Variants in PRDM1 observed in about 807,000 individuals in gnomAD.
PRDM1 encodes the protein PR domain zinc finger protein 1.
A neutral mutation model predicts 62.8 loss-of-function variants in PRDM1; 13 were observed. The observed-to-expected ratio is 0.21, with a 90% CI of 0.13 to 0.33. The LOEUF is 0.33. Ranked by LOEUF, PRDM1 falls within the 10% of genes least tolerant of loss-of-function variation. The pLI is 1.00. For synonymous variants in PRDM1, 396 were observed against 417.6 expected (o/e 0.95, Z 0.63); for missense variants, 895 against 1,058.8 (o/e 0.85, Z 2.15).
chr6:106,026,370 T>C (rs1486246007), intron 1 of PRDM1, among the ~76,000 whole-genome samples: 3 of 152,158 alleles, frequency 2.0e-5, no homozygotes, highest in East Asian at 3.9e-4. Context: ...TCCCAGCTAC[T>C]TGGGAGGCTG....
At chr6:106,028,918 C>CT (rs756143283) in intron 1 of PRDM1, among the ~76,000 whole-genome samples, 5,889 of 124,284 alleles carry the variant, frequency 0.047, 317 homozygotes, top group African/African-American at 0.095. Flanking sequence ...TTCTTTCCTT[C>CT]TTTTTTTTTT....
intron 1 of PRDM1, among the ~76,000 whole-genome samples, chr6:106,002,110 CA>C (rs547827401): frequency 3.1e-4 from 45 of 145,204 alleles, no homozygotes; most frequent in Admixed American, 4.8e-4. Context: ...TGTTGGGTTG[CA>C]AAAAAAAAAT....
chr6:106,061,797 T>A (rs1773349342), intron 1 of PRDM1, among the ~76,000 whole-genome samples: 1 of 152,234 alleles, frequency 6.6e-6, no homozygotes, highest in African/African-American at 2.4e-5. Flanking sequence ...GATATCCAAC[T>A]GGCAAATTCA....
chr6:106,052,532 G>A (rs905634269), intron 1 of PRDM1, among the ~76,000 whole-genome samples: 1 of 152,064 alleles, frequency 6.6e-6, no homozygotes, highest in Non-Finnish European at 1.5e-5. Flanking sequence ...TTGTGGCATA[G>A]GAAAATATCT....
At chr6:106,097,111 A>T (rs1444313468) in intron 3 of PRDM1, among the ~76,000 whole-genome samples, 1 of 152,220 alleles carries the variant, frequency 6.6e-6, no homozygotes, top group Non-Finnish European at 1.5e-5. Flanking sequence ...TGTGCTCACA[A>T]TTTTTATTTA....
chr6:106,023,634 T>A (rs7770156), intron 1 of PRDM1, among the ~76,000 whole-genome samples: 36,384 of 152,020 alleles, frequency 0.24, 5,032 homozygotes, highest in Non-Finnish European at 0.32. Context: ...GACTCTTAGT[T>A]CTTCCTTAGG....
chr6:106,090,872 G>A (rs1356039658), intron 2 of PRDM1, among the ~76,000 whole-genome samples: 2 of 147,582 alleles, frequency 1.4e-5, no homozygotes, highest in African/African-American at 5.0e-5. Context: ...TGTACCATGT[G>A]TCAGCACCTT....
intron 2 of PRDM1, 98 bp downstream of exon 2, chr6:106,088,547 T>G: frequency 7.6e-7 from 1 of 1,314,412 alleles, no homozygotes; most frequent in South Asian, 1.3e-5. Context: ...CCTCTGAGAA[T>G]CTGTAAGTAT....
intron 1 of PRDM1, chr6:106,072,170 A>G (rs926403214): frequency 6.6e-6 from 1 of 152,204 alleles, no homozygotes; most frequent in Admixed American, 6.5e-5. Context: ...TTCTTCGCCT[A>G]TGGTGAGGAA....
intron 1 of PRDM1, among the ~76,000 whole-genome samples, chr6:106,087,295 A>G (rs930786151): frequency 3.9e-5 from 6 of 152,352 alleles, no homozygotes; most frequent in African/African-American, 1.4e-4. Context: ...TTATAACTTT[A>G]GTTACAGTAA....
chr6:106,010,889 T>C (rs1215867716), intron 1 of PRDM1, among the ~76,000 whole-genome samples: 1 of 152,124 alleles, frequency 6.6e-6, no homozygotes, highest in Non-Finnish European at 1.5e-5. Flanking sequence ...TTAGATAGCT[T>C]GAAGTGTGTG....
chr6:106,106,723 A>G lies in PRDM1; in HGVS notation c.1903-188A>G, dbSNP rs1015288651. ...TGGGAAAATGGTAGGGGAAATAAAC[A>G]GCCCCTCGTGTGCTGTGTGCCCACA... is the stretch of plus-strand genomic sequence containing the variant. On this transcript the variant is annotated intron_variant, in intron 6 of 6. Transcript: ENST00000369096. This position sits in a 1 kb window ranked among gnomAD's most constrained non-coding sequence, Gnocchi z 4.4. Among the ~76,000 whole-genome samples, 4 of 152,188 alleles carry G rather than the reference A, an allele frequency of 2.6e-5. No homozygotes were observed. Among genetic ancestry groups the G allele is most frequent in the African/African-American group, 9.7e-5 (4 of 41,428 alleles).
In PRDM1 at chr6:106,105,107, A is replaced by G. The variant is rs753955935; in HGVS notation, c.947A>G (p.Tyr316Cys). 2.5e-6 allele frequency: 4 copies of G among 1,613,862 alleles called. No individual in the cohort carries two copies. Among genetic ancestry groups the G allele is most frequent in the African/African-American group, 2.7e-5 (2 of 74,846 alleles). ...PEDFLKASLA[Y>C]GIERPTYITR... Reference sequence around the variant, plus strand: ...GACTTTTTGAAAGCTTCCCTGGCCTACGGGATCGAGAGACCCACGTACATC... The same window carrying G: ...GACTTTTTGAAAGCTTCCCTGGCCTGCGGGATCGAGAGACCCACGTACATC... Residue 316 changes from tyrosine (Y) to cysteine (C), a missense_variant, in exon 5 of 7, where the codon TAC (tyrosine) becomes TGC (cysteine). Around this residue, in one of 4 missense-constraint regions of PRDM1, gnomAD observed 444 missense variants for 422.7 expected, o/e 1.05. Coordinates refer to ENST00000369096, the MANE Select transcript of PRDM1 (RefSeq NM_001198.4).
intron 1 of PRDM1, among the ~76,000 whole-genome samples, chr6:106,065,124 T>A (rs1161457340): frequency 6.6e-6 from 1 of 152,078 alleles, no homozygotes; most frequent in Non-Finnish European, 1.5e-5. Flanking sequence ...TTTTTGTTGA[T>A]CTTATGTATT....
At position 106,086,540 on chromosome 6, in the gene PRDM1, G is replaced by C. The variant is rs1195294786; in HGVS notation, c.-14G>C. On this transcript the variant is annotated 5_prime_UTR_variant, in exon 1 of 7. Transcript: ENST00000369096. ...GAATGTGGACTGGGTAGAGATGAAC[G>C]AGACTTTTCTCAGATGTTGGATATT... is the stretch of plus-strand genomic sequence containing the variant. The C allele has an allele frequency of 3.9e-6, 6 of 1,551,762 alleles. No homozygotes were observed. The highest frequency in any genetic ancestry group is 5.2e-6 in the Non-Finnish European group (6 of 1,146,532).
chr6:106,099,747 G>A, intron 4 of PRDM1, 195 bp downstream of exon 4: 1 of 651,414 alleles, frequency 1.5e-6, no homozygotes, highest in East Asian at 2.9e-5. Context: ...TCATTTAAAA[G>A]TATATATATA....
chr6:106,062,818 G>C (rs1455256378), intron 1 of PRDM1, among the ~76,000 whole-genome samples: 7 of 152,134 alleles, frequency 4.6e-5, no homozygotes, highest in Admixed American at 2.0e-4. Context: ...GTTGCTGATA[G>C]GAGGGTTTGT....
intron 1 of PRDM1, among the ~76,000 whole-genome samples, chr6:106,019,272 A>G (rs1772663263): frequency 6.6e-6 from 1 of 150,892 alleles, no homozygotes; most frequent in Non-Finnish European, 1.5e-5. Flanking sequence ...AAAAAAAAAA[A>G]AAAAAAAAAA....
At chr6:106,037,385 C>T (rs1281385459) in intron 1 of PRDM1, among the ~76,000 whole-genome samples, 1 of 152,118 alleles carries the variant, frequency 6.6e-6, no homozygotes, top group Non-Finnish European at 1.5e-5. Flanking sequence ...TGTTTATATT[C>T]ATATCTCTCA....
Sources: allele counts gnomAD v4.1 joint callset (sites outside exome capture counted in the v4.1 genomes callset), GRCh38; gene constraint gnomAD v4.1.1; regional missense constraint gnomAD v4.1.1; non-coding constraint Gnocchi (gnomAD v3.1); transcripts MANE v1.5; gene names NCBI Gene and HGNC (gene_info 2026-07-23, HGNC 2026-07-21).